The following PAX7 variants were observed in gnomAD, a reference collection of about 807,000 sequenced individuals.
PAX7 encodes the protein paired box protein Pax-7.
PAX7 carries 18 observed loss-of-function variants against 50.7 expected under a neutral mutation model. The ratio of observed to expected loss-of-function variants is 0.36; its 90% CI spans 0.25 to 0.53. The LOEUF (loss-of-function observed/expected upper bound fraction) is 0.53, where lower values mean the gene tolerates loss of function less well. PAX7 is among the 20% of genes least tolerant of loss of function. The probability of loss-of-function intolerance (pLI) is 0.93; values close to 1 mark genes in which losing one functional copy is unlikely to be tolerated. For missense variants in PAX7, 644 were observed against 702.9 expected (o/e 0.92, Z 0.95); for synonymous variants, 310 against 290.4 (o/e 1.07, Z -0.69).
rs1553145062 is a variant in PAX7, at chr1:18,744,697, G to GATGGATGGATGGATAGATAA, written c.1403-103_1403-102insAGATAAATGGATGGATGGAT. ...GGATGGATGGATGGATAAATGGATG[G>GATGGATGGATGGATAGATAA]ATGGATGGATGGATGGATGGATGGA... On this transcript the variant is annotated intron_variant, in intron 8 of 8. Transcript: ENST00000420770. 17 of 506,658 alleles carry GATGGATGGATGGATAGATAA rather than the reference G, an allele frequency of 3.4e-5. No homozygotes were observed. The African/African-American group carries it at 4.0e-4, about 12-fold the overall frequency. The allele number at this position is 506,658 out of a possible 1,614,324, so 31.4% of individuals were successfully genotyped here.
chr1:18,718,278 G>A (rs546201293), intron 7 of PAX7, among the ~76,000 whole-genome samples: 13 of 152,266 alleles, frequency 8.5e-5, no homozygotes, highest in African/African-American at 2.6e-4. Context: ...CTCAGAGCGG[G>A]GTGCCAGCAG....
At chr1:18,646,048 G>A (rs945698741) in intron 4 of PAX7, among the ~76,000 whole-genome samples, 4 of 152,228 alleles carry the variant, frequency 2.6e-5, no homozygotes, top group African/African-American at 9.7e-5. Context: ...CCAATGTGGG[G>A]GGATATACCC....
chr1:18,725,341 G>T lies in PAX7; in HGVS notation c.1156-10291G>T, dbSNP rs537780858. ...CCACCAACACCGCCAGGCCAGGGGG[G>T]CCTGAGAGCCCAGACGTCCTCCTTT... On this transcript the variant is annotated intron_variant, in intron 7 of 8. Transcript: ENST00000420770. 9.4e-5 allele frequency among the ~76,000 whole-genome samples: 14 copies of T among 148,262 alleles called. No individual in the cohort carries two copies. The South Asian group carries it at 2.0e-3, about 21-fold the overall frequency.
At chr1:18,674,848 C>G (rs1345406393) in intron 4 of PAX7, among the ~76,000 whole-genome samples, 1 of 152,140 alleles carries the variant, frequency 6.6e-6, no homozygotes, top group Non-Finnish European at 1.5e-5. Context: ...TGAACCACCC[C>G]CACCAACAGC....
At chr1:18,713,799 G>A (rs2089384301) in intron 7 of PAX7, among the ~76,000 whole-genome samples, 1 of 152,202 alleles carries the variant, frequency 6.6e-6, no homozygotes, top group South Asian at 2.1e-4. Flanking sequence ...GATAAAGGAA[G>A]GGGTAGGAGG....
intron 4 of PAX7, among the ~76,000 whole-genome samples, chr1:18,637,418 G>A (rs1357619733): frequency 2.0e-5 from 3 of 152,174 alleles, no homozygotes; most frequent in African/African-American, 7.2e-5. Flanking sequence ...CATACGCGGA[G>A]AGGCGGCAGG....
At chr1:18,709,390 T>G (rs2089322616) in intron 7 of PAX7, among the ~76,000 whole-genome samples, 1 of 152,204 alleles carries the variant, frequency 6.6e-6, no homozygotes, top group Non-Finnish European at 1.5e-5. Context: ...TATTTACAAT[T>G]TCCCCACACA....
In PAX7 at chr1:18,631,011, C is replaced by G. The variant is rs1236167727; in HGVS notation, c.-593C>G. 3 of 224,898 alleles carry G rather than the reference C, an allele frequency of 1.3e-5. No homozygotes were observed. The highest frequency in any genetic ancestry group is 2.7e-5 in the Non-Finnish European group (3 of 112,776). 13.9% of individuals were successfully genotyped at this position (224,898 alleles called of 1,614,324 possible). A position where few individuals can be genotyped will look rare whatever the true frequency, so the allele number is the denominator to read the frequency against. ...CTCCTAGGGGACGGGGCTGTGAAAG[C>G]TGGTGTGGAGGGAGAAGCGAGTGTG... On this transcript the variant is annotated 5_prime_UTR_variant, in exon 1 of 9. Transcript: ENST00000420770.
intron 7 of PAX7, among the ~76,000 whole-genome samples, chr1:18,734,399 A>G (rs1046743935): frequency 1.3e-5 from 2 of 151,542 alleles, no homozygotes; most frequent in East Asian, 1.9e-4. Flanking sequence ...TCTCCCTCCT[A>G]CCCTCTCCCC....
intron 8 of PAX7, 125 bp from the exon 9 acceptor site, chr1:18,744,669 GATGGATGGATGGATGGATAA>G (rs1265850927): frequency 2.9e-5 from 17 of 594,762 alleles, no homozygotes; most frequent in Non-Finnish European, 4.8e-5. Flanking sequence ...CGGATGGATG[GATGGATGGATGGATGGATAA>G]ATGGATGGAT....
rs747804608 is a variant in PAX7 at position 18,735,826 on chromosome 1, C to T, written c.1350C>T (p.Thr450=). The change falls in exon 8 of 9, where the codon ACC becomes ACT. Residue 450 remains threonine, a synonymous_variant. Transcript: ENST00000420770. The surrounding 1 kb of genome is among the most constrained non-coding windows in gnomAD (Gnocchi z 4.0). ...QAYCPPTYST[T]GYSVDPVAGY... ...ACTGCCCACCCACCTACAGCACCAC[C>T]GGCTACAGCGTGGACCCCGTGGCCG... is the stretch of plus-strand genomic sequence containing the variant. 8.1e-6 allele frequency: 13 copies of T among 1,614,154 alleles called. No homozygotes were observed. The highest frequency in any genetic ancestry group is 3.3e-5 in the Admixed American group (2 of 60,034).
chr1:18,744,876 G>T lies in PAX7; in HGVS notation c.1465G>T (p.Glu489Ter). Residue 489 changes from glutamate to a stop codon, truncating the protein, a stop_gained, in exon 9 of 9, where the codon GAG becomes TAG. Transcript: ENST00000420770. LOFTEE classifies it high-confidence loss of function. Reference protein sequence around the residue: ...LSTQRRMKLGEHSAVLGLLPV... With the variant: ...LSTQRRMKLG ...CACCCAGCGTCGCATGAAGCTCGGG[G>T]AGCACTCTGCTGTGCTGGGACTCCT... The T allele has an allele frequency of 1.3e-6, 2 of 1,558,444 alleles. No homozygotes were observed. Among genetic ancestry groups the T allele is most frequent in the South Asian group, 1.2e-5 (1 of 84,340 alleles).
At chr1:18,733,075 G>A (rs2089666612) in intron 7 of PAX7, among the ~76,000 whole-genome samples, 1 of 152,026 alleles carries the variant, frequency 6.6e-6, no homozygotes, top group South Asian at 2.1e-4. Context: ...AAAGGAGATG[G>A]GTGGGAAAAG....
Position 18,634,541 on chromosome 1 carries a change from G to A in PAX7, c.321+3G>A, listed in dbSNP as rs746790776. On this transcript the variant is annotated splice_donor_region_variant and intron_variant, in intron 2 of 8. Coordinates refer to ENST00000420770, the MANE Select transcript of PAX7 (RefSeq NM_001135254.2). This position sits in a 1 kb window ranked among gnomAD's most constrained non-coding sequence, Gnocchi z 4.0. The stretch of plus-strand genomic sequence containing the variant: ...CCATCGGCGGCAGCAAGCCCAGAGT[G>A]AGTGTCTTTGCCACAGAGGCTGGCA... 6.8e-6 allele frequency: 11 copies of A among 1,612,862 alleles called. No individual in the cohort carries two copies. Among genetic ancestry groups the A allele is most frequent in the Middle Eastern group, 1.6e-4 (1 of 6,078 alleles).
chr1:18,679,395 T>C (rs1366478899), intron 4 of PAX7, among the ~76,000 whole-genome samples: 3 of 152,190 alleles, frequency 2.0e-5, no homozygotes, highest in South Asian at 2.1e-4. Context: ...CTCTCAGGCA[T>C]ATGGTCCTTT....
chr1:18,736,758 T>C (rs1437979608), intron 8 of PAX7, among the ~76,000 whole-genome samples: 8 of 152,268 alleles, frequency 5.3e-5, no homozygotes. Flanking sequence ...GTGTTCCAAA[T>C]TGTAAGTTTT....
chr1:18,653,995 C>G (rs1461522435), intron 4 of PAX7, among the ~76,000 whole-genome samples: 3 of 152,142 alleles, frequency 2.0e-5, no homozygotes, highest in Non-Finnish European at 4.4e-5. Context: ...GCCCCCAGCC[C>G]AGCCCTGTCG....
chr1:18,719,129 G>A (rs2089464065), intron 7 of PAX7, among the ~76,000 whole-genome samples: 1 of 152,246 alleles, frequency 6.6e-6, no homozygotes. Context: ...GGAGTTAGCA[G>A]GGCTTTTGAG....
chr1:18,639,207 T>G lies in PAX7; in HGVS notation c.586+2836T>G, dbSNP rs13375616. 8.8e-3 allele frequency among the ~76,000 whole-genome samples: 1,340 copies of G among 152,192 alleles called. 16 individuals carry two copies. Among genetic ancestry groups the G allele is most frequent in the African/African-American group, 0.03 (1,263 of 41,512 alleles). ...AATAGGAAACTGTGTTGGAGAGGGG[T>G]GTAATAGCTTCCAGGCATGGTAAGA... is the stretch of plus-strand genomic sequence containing the variant. On this transcript the variant is annotated intron_variant, in intron 4 of 8. Transcript: ENST00000420770.
Sources: allele counts gnomAD v4.1 joint callset (sites outside exome capture counted in the v4.1 genomes callset), GRCh38; gene constraint gnomAD v4.1.1; non-coding constraint Gnocchi (gnomAD v3.1); transcripts MANE v1.5; gene names NCBI Gene and HGNC (gene_info 2026-07-23, HGNC 2026-07-21).